Variants in AP2A1 observed in about 807,000 individuals in gnomAD.
AP2A1 encodes the protein adaptor related protein complex 2 subunit alpha 1.
AP2A1 carries 21 observed loss-of-function variants against 107.3 expected under a neutral mutation model. That is an observed-to-expected ratio of 0.20 (90% CI 0.14 to 0.28). The LOEUF is 0.28. Ranked by LOEUF, AP2A1 falls within the 10% of genes least tolerant of loss-of-function variation. The pLI, the probability that AP2A1 is intolerant of heterozygous loss-of-function variation, is 1.00. For synonymous variants in AP2A1, 602 were observed against 564.8 expected (o/e 1.07, Z -0.93); for missense variants, 873 against 1,307.7 (o/e 0.67, Z 5.13).
rs2123769425 is a variant in AP2A1, at chr19:49,805,780, G to A, written c.2585+3G>A. ...CAGCGCTGGAAGCAGCTGAGCCTGT[G>A]AGGGGTGGGGAGGGGGCGGAGCCAA... is the stretch of plus-strand genomic sequence containing the variant. On this transcript the variant is annotated splice_donor_region_variant and intron_variant, in intron 20 of 22. Transcript: ENST00000354293. 1 of 1,604,256 alleles carries A rather than the reference G, an allele frequency of 6.2e-7. No individual in the cohort carries two copies. The highest frequency in any genetic ancestry group is 8.5e-7 in the Non-Finnish European group (1 of 1,175,976).
chr19:49,781,454 A>G (rs1188734526), intron 1 of AP2A1, among the ~76,000 whole-genome samples: 1 of 152,128 alleles, frequency 6.6e-6, no homozygotes, highest in East Asian at 1.9e-4. Flanking sequence ...AGGAGCTCTC[A>G]GGGAGCGTGT....
At chr19:49,768,812 T>C (rs2084529301) in intron 1 of AP2A1, among the ~76,000 whole-genome samples, 1 of 152,136 alleles carries the variant, frequency 6.6e-6, no homozygotes, top group South Asian at 2.1e-4. Context: ...TTTCAGGACG[T>C]TTTCTTGTCT....
chr19:49,786,224 C>T (rs938083474), intron 4 of AP2A1, among the ~76,000 whole-genome samples: 2 of 150,726 alleles, frequency 1.3e-5, no homozygotes, highest in Admixed American at 6.7e-5. Flanking sequence ...CAGTGACACC[C>T]TGTCTAAAAA....
intron 1 of AP2A1, among the ~76,000 whole-genome samples, chr19:49,774,989 C>G (rs1417191019): frequency 1.3e-5 from 2 of 151,862 alleles, no homozygotes; most frequent in African/African-American, 2.4e-5. Flanking sequence ...TTTGTGGGGC[C>G]GAGGCGGGCA....
At chr19:49,783,466 G>A (rs916506143) in intron 4 of AP2A1, among the ~76,000 whole-genome samples, 57 of 152,236 alleles carry the variant, frequency 3.7e-4, no homozygotes, top group African/African-American at 1.3e-3. Context: ...ACTCCAGCTT[G>A]GTGTGCACAC....
At position 49,800,847 on chromosome 19, in the gene AP2A1, C is replaced by G. The variant is rs1353355948; in HGVS notation, c.1456-114C>G. The G allele has an allele frequency of 2.3e-5, 19 of 833,154 alleles. No individual in the cohort carries two copies. The Admixed American group carries it at 4.9e-4, about 22-fold the overall frequency. 51.6% of individuals were successfully genotyped at this position (833,154 alleles called of 1,614,324 possible). On this transcript the variant is annotated intron_variant, in intron 11 of 22. Coordinates refer to ENST00000354293, the MANE Select transcript of AP2A1 (RefSeq NM_130787.3). ...CTGTGACTCAGTTTCCCACCTATAA[C>G]CCCACCTGCAGCAGAGCTTTCAGTG...
intron 6 of AP2A1, 43 bp from the exon 7 acceptor site, chr19:49,795,587 T>TAATTAGTTGGAGTA: frequency 3.4e-6 from 1 of 292,414 alleles, no homozygotes; most frequent in Admixed American, 5.6e-5. Flanking sequence ...CACGTGCCCC[T>TAATTAGTTGGAGTA]CCCACCCCAG....
chr19:49,806,217 C>T lies in AP2A1; in HGVS notation c.2754C>T (p.Gly918=), dbSNP rs1353981501. ...GIIQTKALQV[G]CLLRLEPNAQ... is the part of the protein sequence containing the mutation. ...TCCAGACTAAAGCCCTGCAGGTGGGCTGTCTGCTTCGGCTGGAGCCCAATG... is the reference window on the plus strand; with the variant it reads ...TCCAGACTAAAGCCCTGCAGGTGGGTTGTCTGCTTCGGCTGGAGCCCAATG... The change falls in exon 22 of 23, where the codon GGC becomes GGT. Residue 918 remains glycine, a synonymous_variant. Coordinates refer to ENST00000354293, the MANE Select transcript of AP2A1 (RefSeq NM_130787.3). 6.2e-6 allele frequency: 10 copies of T among 1,606,758 alleles called. No individual in the cohort carries two copies. Among genetic ancestry groups the T allele is most frequent in the Admixed American group, 1.7e-5 (1 of 59,036 alleles).
chr19:49,767,313 G>C (rs1215849901), intron 1 of AP2A1, 113 bp downstream of exon 1: 4 of 1,331,876 alleles, frequency 3.0e-6, no homozygotes, highest in Non-Finnish European at 4.2e-6. Context: ...CGGCCGTATA[G>C]GGACAGCATA....
chr19:49,795,582 G>GCCCCCCCCC, intron 6 of AP2A1, 48 bp from the exon 7 acceptor site: 11 of 692,046 alleles, frequency 1.6e-5, no homozygotes, highest in Admixed American at 4.4e-5. Context: ...GGACCCACGT[G>GCCCCCCCCC]CCCCTCCCAC....
intron 18 of AP2A1, chr19:49,804,538 A>AG (rs2073336364): frequency 8.7e-6 from 1 of 114,558 alleles, no homozygotes; most frequent in South Asian, 3.8e-4. Context: ...ACTCCGTCTC[A>AG]GGAAAAAAAA....
At chr19:49,800,798 G>A in intron 11 of AP2A1, 163 bp from the exon 12 acceptor site, 1 of 572,552 alleles carries the variant, frequency 1.7e-6, no homozygotes, top group Non-Finnish European at 3.1e-6. Context: ...TCCTGTGTGA[G>A]CTTGGGCCCG....
chr19:49,800,302 A>C (rs1368285689), intron 11 of AP2A1, among the ~76,000 whole-genome samples, 152 bp downstream of exon 11: 10 of 152,194 alleles, frequency 6.6e-5, no homozygotes, highest in African/African-American at 2.4e-4. Flanking sequence ...TCTCTGGGCC[A>C]ACCCAGGGGA....
rs777768960 is a variant in AP2A1, at chr19:49,807,107, C to A, written c.*349C>A. 3 of 1,541,326 alleles carry A rather than the reference C, an allele frequency of 1.9e-6. No individual in the cohort carries two copies. In the East Asian group the frequency reaches 7.6e-5, roughly 39 times the overall value. On this transcript the variant is annotated 3_prime_UTR_variant, in exon 23 of 23. Coordinates refer to ENST00000354293, the MANE Select transcript of AP2A1 (RefSeq NM_130787.3). Reference sequence around the variant, plus strand: ...TATTGTGAGCGAATAAACAGAGAGACGCTAACAGCCCCATGTCTGTGTCCA... The same window carrying A: ...TATTGTGAGCGAATAAACAGAGAGAAGCTAACAGCCCCATGTCTGTGTCCA...
intron 6 of AP2A1, 143 bp from the exon 7 acceptor site, chr19:49,795,487 T>G: frequency 1.6e-6 from 1 of 633,540 alleles, no homozygotes; most frequent in Non-Finnish European, 2.8e-6. Context: ...TGAGACCCTG[T>G]CTCTACAAAA....
At chr19:49,805,836 G>T (rs750553006) in intron 20 of AP2A1, 36 bp from the exon 21 acceptor site, 1 of 1,613,034 alleles carries the variant, frequency 6.2e-7, no homozygotes, top group Non-Finnish European at 8.5e-7. Flanking sequence ...GGGTCGGGCC[G>T]TCCAGGTCCC....
In AP2A1 at chr19:49,799,726, G is replaced by A. The variant is rs1228093649; in HGVS notation, c.1232G>A (p.Arg411Gln). 3.1e-6 allele frequency: 5 copies of A among 1,613,526 alleles called. No individual in the cohort carries two copies. Among genetic ancestry groups the A allele is most frequent in the Non-Finnish European group, 3.4e-6 (4 of 1,179,890 alleles). The change falls in exon 10 of 23, where the codon CGG becomes CAG. Residue 411 changes from arginine (R) to glutamine (Q), a missense_variant. By Grantham distance (43) the Arg-to-Gln change is conservative (BLOSUM62 1). Transcript: ENST00000354293. Reference sequence around the variant, plus strand: ...AAGCAGATCGTGTCGGAGATGCTGCGGTACCTGGAGACGGCAGACTACGCC... The same window carrying A: ...AAGCAGATCGTGTCGGAGATGCTGCAGTACCTGGAGACGGCAGACTACGCC... The part of the protein sequence containing the change: ...NAKQIVSEML[R>Q]YLETADYAIR...
rs988294996 is a variant in AP2A1 at position 49,785,350 on chromosome 19, C to T, written c.473+2626C>T. Among the ~76,000 whole-genome samples the T allele has an allele frequency of 2.0e-5, 3 of 152,008 alleles. No individual in the cohort carries two copies. Among genetic ancestry groups the T allele is most frequent in the Non-Finnish European group, 4.4e-5 (3 of 68,006 alleles). On this transcript the variant is annotated intron_variant, in intron 4 of 22. Transcript: ENST00000354293. This position sits in a 1 kb window ranked among gnomAD's most constrained non-coding sequence, Gnocchi z 4.1. ...ATGTGGTTATGAGAAGGGCATGTTT[C>T]GGGAGTAGAGTCGATGGATTATATG...
intron 1 of AP2A1, among the ~76,000 whole-genome samples, chr19:49,775,244 A>G (rs2084606036): frequency 1.3e-5 from 2 of 152,164 alleles, no homozygotes; most frequent in South Asian, 4.1e-4. Flanking sequence ...TTTTTTAAAA[A>G]AGCAAAATAA....
Sources: allele counts gnomAD v4.1 joint callset (sites outside exome capture counted in the v4.1 genomes callset), GRCh38; gene constraint gnomAD v4.1.1; non-coding constraint Gnocchi (gnomAD v3.1); transcripts MANE v1.5; gene names NCBI Gene and HGNC (gene_info 2026-07-23, HGNC 2026-07-21).